Variants in AUTS2 observed in about 807,000 individuals in gnomAD.
AUTS2 encodes autism susceptibility gene 2 protein.
Under a neutral mutation model 112.4 loss-of-function variants are expected in AUTS2, and 17 were observed. That is an observed-to-expected ratio of 0.15 (90% CI 0.10 to 0.23). The LOEUF is 0.23. AUTS2 is among the 10% of genes least tolerant of loss of function. The probability of loss-of-function intolerance (pLI) is 1.00; values close to 1 mark genes in which losing one functional copy is unlikely to be tolerated. For synonymous variants in AUTS2, 751 were observed against 702.7 expected, an observed-to-expected ratio of 1.07 and a Z score of -1.09; for missense variants, 1,510 against 1,701.6, an observed-to-expected ratio of 0.89 and a Z score of 1.98.
chr7:70,486,012 TAAATA>T (rs1797983305), intron 5 of AUTS2, among the ~76,000 whole-genome samples: 2 of 110,158 alleles, frequency 1.8e-5, no homozygotes, highest in Non-Finnish European at 4.1e-5. Context: ...AATAAATAAA[TAAATA>T]AATAAATAAA....
intron 4 of AUTS2, among the ~76,000 whole-genome samples, chr7:70,365,175 A>G (rs1342810917): frequency 4.6e-5 from 7 of 152,228 alleles, no homozygotes; most frequent in African/African-American, 1.7e-4. Flanking sequence ...TTTCTCCCCT[A>G]GTATCTTTAC....
At chr7:69,766,059 C>G (rs751773145) in intron 1 of AUTS2, among the ~76,000 whole-genome samples, 1 of 152,170 alleles carries the variant, frequency 6.6e-6, no homozygotes, top group African/African-American at 2.4e-5. Context: ...CAGAACTCTC[C>G]GTCTTGCAAA....
chr7:70,754,285 G>A (rs1037334273), intron 6 of AUTS2, among the ~76,000 whole-genome samples: 13 of 152,202 alleles, frequency 8.5e-5, no homozygotes, highest in Admixed American at 4.6e-4. Flanking sequence ...GAGCCTACAC[G>A]TTAAAGACCA....
At chr7:70,608,327 A>ACT (rs1312563362) in intron 5 of AUTS2, among the ~76,000 whole-genome samples, 2 of 151,612 alleles carry the variant, frequency 1.3e-5, no homozygotes, top group African/African-American at 4.9e-5. Context: ...CTGTCCTCAA[A>ACT]CTCCTGGGCT....
intron 5 of AUTS2, among the ~76,000 whole-genome samples, chr7:70,535,050 A>T (rs1219757282): frequency 1.3e-5 from 2 of 151,646 alleles, no homozygotes; most frequent in Non-Finnish European, 2.9e-5. Flanking sequence ...AAAAAAAAAA[A>T]AGATGTAATG....
chr7:70,610,287 C>T (rs975820494), intron 5 of AUTS2, among the ~76,000 whole-genome samples: 1 of 152,070 alleles, frequency 6.6e-6, no homozygotes, highest in Admixed American at 6.6e-5. Flanking sequence ...GCATGAGCCA[C>T]CACACCCAAC....
chr7:69,834,762 A>G lies in AUTS2; in HGVS notation c.310-64524A>G, dbSNP rs1449070861. Among the ~76,000 whole-genome samples, 4 of 152,206 alleles carry G rather than the reference A, an allele frequency of 2.6e-5. No homozygotes were observed. The East Asian group carries it at 7.7e-4, about 29-fold the overall frequency. ...ACTTAGCATGACTGCTGGGGCTCCT[A>G]AAAGGAGCCAGGAAGCAGCAGAGCC... is the stretch of plus-strand genomic sequence containing the variant. On this transcript the variant is annotated intron_variant, in intron 1 of 18. Coordinates refer to ENST00000342771, the MANE Select transcript of AUTS2 (RefSeq NM_015570.4).
intron 4 of AUTS2, among the ~76,000 whole-genome samples, chr7:70,408,544 C>A (rs371913714): frequency 3.3e-5 from 5 of 152,220 alleles, no homozygotes; most frequent in African/African-American, 9.6e-5. Context: ...CAACTGTTGT[C>A]ACCCATCTAG....
At chr7:70,598,070 G>A (rs1803290626) in intron 5 of AUTS2, among the ~76,000 whole-genome samples, 1 of 152,164 alleles carries the variant, frequency 6.6e-6, no homozygotes, top group Admixed American at 6.5e-5. Flanking sequence ...AAATCCGCTT[G>A]GTTAATGAGA....
intron 1 of AUTS2, among the ~76,000 whole-genome samples, chr7:69,857,409 C>T (rs1176996002): frequency 6.6e-6 from 1 of 152,184 alleles, no homozygotes; most frequent in Non-Finnish European, 1.5e-5. Context: ...TAAATTCTCC[C>T]TCAAAGGTCT....
intron 5 of AUTS2, among the ~76,000 whole-genome samples, chr7:70,571,938 G>A (rs1366096843): frequency 6.6e-6 from 1 of 152,136 alleles, no homozygotes; most frequent in African/African-American, 2.4e-5. Context: ...GAGCAGCTTT[G>A]GGGTATTAAT....
chr7:69,646,597 T>C (rs1795029700), intron 1 of AUTS2, among the ~76,000 whole-genome samples: 1 of 152,234 alleles, frequency 6.6e-6, no homozygotes, highest in South Asian at 2.1e-4. Flanking sequence ...TTAAACCTTT[T>C]AATTTTCAGA....
At chr7:70,267,660 G>T (rs774834348) in intron 4 of AUTS2, among the ~76,000 whole-genome samples, 1 of 152,156 alleles carries the variant, frequency 6.6e-6, no homozygotes, top group Non-Finnish European at 1.5e-5. Context: ...GCACTTTCAC[G>T]TTCAGATTCA....
intron 2 of AUTS2, among the ~76,000 whole-genome samples, chr7:70,112,836 A>T (rs182534026): frequency 7.2e-5 from 11 of 151,976 alleles, no homozygotes; most frequent in Admixed American, 3.9e-4. Context: ...CCAGATTTTT[A>T]TTTTTAAATG....
chr7:69,733,071 C>G (rs1011312855), intron 1 of AUTS2, among the ~76,000 whole-genome samples: 2 of 152,140 alleles, frequency 1.3e-5, no homozygotes, highest in African/African-American at 4.8e-5. Flanking sequence ...GTGTTTTCAT[C>G]TAGTCCGTTC....
At chr7:70,677,616 T>A (rs1490795588) in intron 5 of AUTS2, among the ~76,000 whole-genome samples, 2 of 151,982 alleles carry the variant, frequency 1.3e-5, no homozygotes, top group Non-Finnish European at 2.9e-5. Context: ...AGAGGCAGGG[T>A]CTTGCTTTGT....
intron 14 of AUTS2, among the ~76,000 whole-genome samples, chr7:70,781,135 C>T (rs1344037478): frequency 2.0e-5 from 3 of 151,964 alleles, no homozygotes; most frequent in South Asian, 4.2e-4. Context: ...CCGAGATGGG[C>T]GGATCACTTG....
chr7:70,553,555 G>A (rs925363243), intron 5 of AUTS2, among the ~76,000 whole-genome samples: 4 of 152,104 alleles, frequency 2.6e-5, no homozygotes, highest in Admixed American at 2.6e-4. Context: ...CTCTGTCTTT[G>A]TAGGCAATAC....
intron 1 of AUTS2, among the ~76,000 whole-genome samples, chr7:69,785,538 G>A (rs552384589): frequency 3.5e-4 from 54 of 152,350 alleles, no homozygotes; most frequent in Non-Finnish European, 6.8e-4. Context: ...CATAAACAAA[G>A]AATCCCTTCT....
Sources: allele counts gnomAD v4.1 joint callset (sites outside exome capture counted in the v4.1 genomes callset), GRCh38; gene constraint gnomAD v4.1.1; transcripts MANE v1.5; gene names NCBI Gene and HGNC (gene_info 2026-07-23, HGNC 2026-07-21).